The following DENND4C variants were observed in gnomAD, a reference collection of about 807,000 sequenced individuals.
The protein encoded by DENND4C is DENN domain-containing protein 4C.
DENND4C carries 108 observed loss-of-function variants against 203.0 expected under a neutral mutation model. The ratio of observed to expected loss-of-function variants is 0.53; its 90% CI spans 0.46 to 0.62. DENND4C has a LOEUF of 0.62. Ranked by LOEUF, DENND4C falls within the 20% of genes least tolerant of loss-of-function variation. The pLI is 0.00. For synonymous variants in DENND4C, 871 were observed against 792.4 expected (o/e 1.10, Z -1.67); for missense variants, 2,481 against 2,301.2 (o/e 1.08, Z -1.60).
chr9:19,295,036 A>G (rs537591554), intron 5 of DENND4C, among the ~76,000 whole-genome samples: 6 of 152,306 alleles, frequency 3.9e-5, no homozygotes, highest in African/African-American at 1.4e-4. Context: ...GAAAATGGTT[A>G]AAGTGGTACG....
At chr9:19,250,828 G>C (rs1403415586) in intron 1 of DENND4C, among the ~76,000 whole-genome samples, 1 of 152,228 alleles carries the variant, frequency 6.6e-6, no homozygotes, top group African/African-American at 2.4e-5. Flanking sequence ...ACTGCTGCAA[G>C]AAGTGGGTTC....
chr9:19,371,145 G>A (rs1380882364), intron 31 of DENND4C, among the ~76,000 whole-genome samples: 1 of 152,096 alleles, frequency 6.6e-6, no homozygotes, highest in Non-Finnish European at 1.5e-5. Context: ...GTACATCAGT[G>A]CATTTCTTAA....
At position 19,289,600 on chromosome 9, in the gene DENND4C, G is replaced by T. The variant is rs569267353; in HGVS notation, c.628+935G>T. On this transcript the variant is annotated intron_variant, in intron 4 of 32. Coordinates refer to ENST00000434457, the MANE Select transcript of DENND4C (RefSeq NM_001330640.2). ...TTCCAGCACTTTGGGAGAGTGAGGC[G>T]GGCAGATCGCTTGAGGCCAGGAGTT... Among the ~76,000 whole-genome samples, 3 of 152,182 alleles carry T rather than the reference G, an allele frequency of 2.0e-5. No individual in the cohort carries two copies. In the East Asian group the frequency reaches 5.8e-4, roughly 29 times the overall value.
chr9:19,312,164 C>T (rs767182895), intron 10 of DENND4C, among the ~76,000 whole-genome samples: 1 of 152,060 alleles, frequency 6.6e-6, no homozygotes, highest in Non-Finnish European at 1.5e-5. Flanking sequence ...AGTGTAGTGG[C>T]GCGATCTTGG....
Position 19,358,413 on chromosome 9 carries a change from TTC to T in DENND4C, c.5160+259_5160+260del, listed in dbSNP as rs1011362044. On this transcript the variant is annotated intron_variant, in intron 28 of 32. Coordinates refer to ENST00000434457, the MANE Select transcript of DENND4C (RefSeq NM_001330640.2). This position sits in a 1 kb window ranked among gnomAD's most constrained non-coding sequence, Gnocchi z 4.8. ...TTCTTTTATGTATATTCTCATTCAG[TTC>T]TCTCTTTTTTTGAGATTATTTTGAA... is the stretch of plus-strand genomic sequence containing the variant. 6.6e-6 allele frequency among the ~76,000 whole-genome samples: 1 copy of T among 152,230 alleles called. No individual in the cohort carries two copies. The highest frequency in any genetic ancestry group is 1.5e-5 in the Non-Finnish European group (1 of 68,044).
chr9:19,290,347 C>A lies in DENND4C; in HGVS notation c.629-357C>A, dbSNP rs368206742. Among the ~76,000 whole-genome samples, 250 of 152,298 alleles carry A rather than the reference C, an allele frequency of 1.6e-3. 7 individuals are homozygous for A. The South Asian group carries it at 0.05, about 30-fold the overall frequency. Reference sequence around the variant, plus strand: ...ACTTGTCTCTTCCCTGAATTTTTCACAGAAGACTAACTGAAATAGTTGGTA... The same window carrying A: ...ACTTGTCTCTTCCCTGAATTTTTCAAAGAAGACTAACTGAAATAGTTGGTA... On this transcript the variant is annotated intron_variant, in intron 4 of 32. Coordinates refer to ENST00000434457, the MANE Select transcript of DENND4C (RefSeq NM_001330640.2).
intron 5 of DENND4C, chr9:19,291,358 T>C (rs557397501): frequency 1.3e-5 from 2 of 153,440 alleles, no homozygotes; most frequent in African/African-American, 4.8e-5. Context: ...ATCAAGTGTT[T>C]AGAAATGAAA....
chr9:19,288,308 T>G (rs957851906), intron 3 of DENND4C, among the ~76,000 whole-genome samples: 2 of 152,142 alleles, frequency 1.3e-5, no homozygotes, highest in African/African-American at 4.8e-5. Flanking sequence ...GCACACTCCG[T>G]TTTGTGCTGT....
intron 26 of DENND4C, among the ~76,000 whole-genome samples, chr9:19,354,970 C>T (rs143732224): frequency 3.4e-4 from 51 of 148,840 alleles, no homozygotes; most frequent in African/African-American, 1.0e-3. Flanking sequence ...AGTACAGTGG[C>T]GCAATCTTGG....
At chr9:19,286,629 A>G in intron 2 of DENND4C, 140 bp from the exon 3 acceptor site, 6 of 675,046 alleles carry the variant, frequency 8.9e-6, no homozygotes, top group Non-Finnish European at 1.2e-5. Context: ...TTTGGGAAAC[A>G]ATAGGAGAGA....
intron 10 of DENND4C, among the ~76,000 whole-genome samples, chr9:19,306,309 A>G (rs891400862): frequency 5.9e-5 from 9 of 152,330 alleles, no homozygotes; most frequent in African/African-American, 2.2e-4. Flanking sequence ...CGTTGGGAAA[A>G]TATTTTTATG....
chr9:19,310,258 T>A (rs754238203), intron 10 of DENND4C, among the ~76,000 whole-genome samples: 18 of 152,232 alleles, frequency 1.2e-4, no homozygotes, highest in Non-Finnish European at 7.3e-5. Context: ...ATTCTCCAGC[T>A]AGGATCGCTA....
At chr9:19,268,481 A>G (rs1276893326) in intron 1 of DENND4C, among the ~76,000 whole-genome samples, 1 of 152,152 alleles carries the variant, frequency 6.6e-6, no homozygotes, top group African/African-American at 2.4e-5. Context: ...TTACGGTGTT[A>G]ATATTCTCTA....
At chr9:19,371,100 G>T (rs1828749545) in intron 31 of DENND4C, among the ~76,000 whole-genome samples, 1 of 151,032 alleles carries the variant, frequency 6.6e-6, no homozygotes, top group African/African-American at 2.5e-5. Flanking sequence ...GATACCAAGT[G>T]TCACTAGAAT....
intron 10 of DENND4C, among the ~76,000 whole-genome samples, chr9:19,307,253 G>A (rs1197170220): frequency 1.3e-5 from 2 of 151,804 alleles, no homozygotes; most frequent in African/African-American, 4.8e-5. Flanking sequence ...AAATTAGCTA[G>A]GAGTGGTGGT....
intron 22 of DENND4C, among the ~76,000 whole-genome samples, chr9:19,344,212 T>G (rs761621213): frequency 5.3e-5 from 8 of 152,098 alleles, no homozygotes; most frequent in Non-Finnish European, 7.4e-5. Flanking sequence ...ACAAATGATG[T>G]GACTACAGTA....
At chr9:19,354,890 A>ATT in intron 26 of DENND4C, among the ~76,000 whole-genome samples, 1 of 127,910 alleles carries the variant, frequency 7.8e-6, no homozygotes, top group South Asian at 2.5e-4. Flanking sequence ...TTCATTGCCT[A>ATT]TTTTTTTTTT....
chr9:19,250,602 C>G (rs910712663), intron 1 of DENND4C, among the ~76,000 whole-genome samples: 1 of 152,154 alleles, frequency 6.6e-6, no homozygotes, highest in African/African-American at 2.4e-5. Context: ...AGGCAAGTTT[C>G]CTCCGCCGAT....
rs758423410 is a variant in DENND4C at position 19,346,164 on chromosome 9, C to T, written c.3395C>T (p.Ala1132Val). 2.5e-6 allele frequency: 4 copies of T among 1,614,194 alleles called. No homozygotes were observed. The Admixed American group carries it at 6.7e-5, about 27-fold the overall frequency. The part of the protein sequence containing the change: ...MGADAKILTA[A>V]LTCPKTSLLH... Reference sequence around the variant, plus strand: ...GCAGATGCCAAGATTCTCACAGCAGCATTGACATGTCCTAAGACTTCTCTA... The same window carrying T: ...GCAGATGCCAAGATTCTCACAGCAGTATTGACATGTCCTAAGACTTCTCTA... The change falls in exon 23 of 33, where the codon GCA (alanine) becomes GTA (valine). Residue 1132 changes from alanine to valine, a missense_variant. By Grantham distance (64) the Ala-to-Val change is moderately conservative. This residue lies in a region of DENND4C where 2,289 missense variants were observed against 2,113.3 expected (regional missense o/e 1.08). Transcript: ENST00000434457.
Sources: gnomAD v4.1 joint callset for allele counts (sites outside exome capture counted in the v4.1 genomes callset) on GRCh38, gnomAD v4.1.1 for gene constraint, gnomAD v4.1.1 regional missense constraint, Gnocchi (gnomAD v3.1) non-coding constraint, MANE v1.5 for transcripts, NCBI Gene and HGNC (gene_info 2026-07-23, HGNC 2026-07-21) for gene names.